Variants in CLASP1 observed in about 807,000 individuals in gnomAD.
CLASP1 encodes the protein cytoplasmic linker associated protein 1.
In CLASP1, 38 loss-of-function variants were observed where a neutral mutation model predicts 192.3. That is an observed-to-expected ratio of 0.20 (90% CI 0.15 to 0.26). The LOEUF (loss-of-function observed/expected upper bound fraction) is 0.26, where lower values mean the gene tolerates loss of function less well. Among genes scored for constraint, CLASP1 ranks in the 10% least tolerant of loss-of-function variants. The pLI, the probability that CLASP1 is intolerant of heterozygous loss-of-function variation, is 1.00. For synonymous variants in CLASP1, 691 were observed against 712.8 expected (o/e 0.97, Z 0.49); for missense variants, 1,433 against 1,932.5 (o/e 0.74, Z 4.85).
Position 121,615,034 on chromosome 2 carries a change from G to A in CLASP1, c.-285-8854C>T, listed in dbSNP as rs577369360. On this transcript the variant is annotated intron_variant, in intron 1 of 39. Coordinates refer to ENST00000263710, the Ensembl canonical transcript of CLASP1. Reference sequence around the variant, plus strand: ...TGAGCTTTGTGTTAAAATGTGGCTAGGATGTGCATTTAATAGTTATGGTGG... The same window carrying A: ...TGAGCTTTGTGTTAAAATGTGGCTAAGATGTGCATTTAATAGTTATGGTGG... Among the ~76,000 whole-genome samples the A allele has an allele frequency of 7.3e-4, 111 of 152,338 alleles. 1 individual carries two copies. Among genetic ancestry groups the A allele is most frequent in the African/African-American group, 2.5e-3 (102 of 41,582 alleles).
chr2:121,364,758 C>T lies in CLASP1; in HGVS notation c.4077+336G>A, dbSNP rs142796666. 243 of 257,040 alleles carry T rather than the reference C, an allele frequency of 9.5e-4. 1 individual carries two copies. The highest frequency in any genetic ancestry group is 4.9e-3 in the African/African-American group (223 of 45,520). 15.9% of individuals were successfully genotyped at this position (257,040 alleles called of 1,614,324 possible). On this transcript the variant is annotated intron_variant, in intron 36 of 39. Coordinates refer to ENST00000263710, the Ensembl canonical transcript of CLASP1. ...ACATATGAAACAAAAATGAAACTCA[C>T]AAGTAAAAAAGTACATCCTAAAAGA... is the stretch of plus-strand genomic sequence containing the variant.
At chr2:121,484,683 G>C (rs2092847300) in intron 8 of CLASP1, among the ~76,000 whole-genome samples, 1 of 152,190 alleles carries the variant, frequency 6.6e-6, no homozygotes, top group Non-Finnish European at 1.5e-5. Flanking sequence ...GAAGAGGTGG[G>C]AGAAAAGGGG....
chr2:121,580,044 G>T (rs2060955975), intron 2 of CLASP1, among the ~76,000 whole-genome samples: 1 of 152,084 alleles, frequency 6.6e-6, no homozygotes, highest in African/African-American at 2.4e-5. Flanking sequence ...AAAATTTAAG[G>T]GAAAAAAGTG....
chr2:121,472,043 CATT>C (rs1322954855), intron 8 of CLASP1, among the ~76,000 whole-genome samples: 2 of 152,212 alleles, frequency 1.3e-5, no homozygotes, highest in Non-Finnish European at 2.9e-5. Context: ...GAACTGCTGT[CATT>C]ATTCTACTAC....
chr2:121,415,711 G>C (rs538004320), intron 23 of CLASP1, among the ~76,000 whole-genome samples: 1 of 152,080 alleles, frequency 6.6e-6, no homozygotes, highest in Non-Finnish European at 1.5e-5. Flanking sequence ...AAATTTATAG[G>C]TTTAACAAAA....
chr2:121,414,395 A>T (rs1263063250), intron 23 of CLASP1, among the ~76,000 whole-genome samples, 192 bp from the exon 24 acceptor site: 1 of 152,154 alleles, frequency 6.6e-6, no homozygotes, highest in African/African-American at 2.4e-5. Context: ...GCTGGCTCTC[A>T]CACAGCTATT....
intron 28 of CLASP1, among the ~76,000 whole-genome samples, chr2:121,400,158 G>A (rs1273646631): frequency 6.6e-6 from 1 of 152,064 alleles, no homozygotes; most frequent in Admixed American, 6.6e-5. Flanking sequence ...AAGGAATGAC[G>A]AAGTTTGAAA....
At chr2:121,463,515 C>T (rs1027773022) in intron 9 of CLASP1, among the ~76,000 whole-genome samples, 4 of 152,194 alleles carry the variant, frequency 2.6e-5, no homozygotes, top group Non-Finnish European at 5.9e-5. Context: ...TGATGTGGTG[C>T]TCTGTGTCTG....
At chr2:121,628,760 A>G (rs2068876670) in intron 1 of CLASP1, among the ~76,000 whole-genome samples, 1 of 152,018 alleles carries the variant, frequency 6.6e-6, no homozygotes, top group Non-Finnish European at 1.5e-5. Context: ...AGTAATACAT[A>G]GGACAATTTG....
intron 32 of CLASP1, among the ~76,000 whole-genome samples, chr2:121,383,342 A>G (rs2072237043): frequency 1.3e-5 from 2 of 152,224 alleles, no homozygotes; most frequent in African/African-American, 4.8e-5. Flanking sequence ...TTGAGATGCA[A>G]AGTCACTAGC....
At chr2:121,340,830 T>A (rs766287366) in exon 40 of CLASP1, 1 of 1,567,242 alleles carries the variant, frequency 6.4e-7, no homozygotes, top group South Asian at 1.1e-5. Context: ...ACCGATTGCT[T>A]CTAGGTCTAC....
At chr2:121,499,994 A>C (rs558540306) in intron 8 of CLASP1, among the ~76,000 whole-genome samples, 50 of 152,346 alleles carry the variant, frequency 3.3e-4, no homozygotes, top group Middle Eastern at 6.8e-3. Context: ...CAGTGCAATA[A>C]GGCAAGAAAA....
intron 6 of CLASP1, among the ~76,000 whole-genome samples, chr2:121,521,764 A>T (rs928397445): frequency 6.6e-6 from 1 of 152,176 alleles, no homozygotes. Flanking sequence ...TTCTCCGCAC[A>T]CTGGCTTTAG....
intron 8 of CLASP1, among the ~76,000 whole-genome samples, chr2:121,495,342 A>AATAAATAAATAAAT (rs1405508854): frequency 3.2e-5 from 3 of 92,484 alleles, no homozygotes; most frequent in Non-Finnish European, 5.6e-5. Flanking sequence ...AATAAATAAA[A>AATAAATAAATAAAT]ATATTTAAAG....
At chr2:121,373,434 A>G (rs913002584) in intron 34 of CLASP1, among the ~76,000 whole-genome samples, 1 of 152,236 alleles carries the variant, frequency 6.6e-6, no homozygotes, top group Non-Finnish European at 1.5e-5. Flanking sequence ...GAAAATTGGT[A>G]CCAGAAATGG....
chr2:121,339,163 A>ACACACACG (rs2149066341), exon 40 of CLASP1: 1 of 153,988 alleles, frequency 6.5e-6, no homozygotes, highest in African/African-American at 2.4e-5. Context: ...ACACACACAC[A>ACACACACG]CACACACGTC....
At chr2:121,438,157 G>A (rs920057710) in intron 19 of CLASP1, among the ~76,000 whole-genome samples, 1 of 152,122 alleles carries the variant, frequency 6.6e-6, no homozygotes, top group Non-Finnish European at 1.5e-5. Context: ...AATTAGATTT[G>A]AGAGTAGCTT....
At chr2:121,512,061 GTTT>G (rs927076265) in intron 7 of CLASP1, among the ~76,000 whole-genome samples, 4 of 152,164 alleles carry the variant, frequency 2.6e-5, no homozygotes, top group Admixed American at 2.6e-4. Context: ...TATGAAATGT[GTTT>G]TTTAAAAAAG....
At chr2:121,455,209 T>C (rs2086368925) in intron 14 of CLASP1, among the ~76,000 whole-genome samples, 1 of 152,230 alleles carries the variant, frequency 6.6e-6, no homozygotes, top group South Asian at 2.1e-4. Flanking sequence ...AAATTTCTTT[T>C]TTCGTGACTT....
Sources: allele counts gnomAD v4.1 joint callset (sites outside exome capture counted in the v4.1 genomes callset), GRCh38; gene constraint gnomAD v4.1.1; transcripts MANE v1.5; gene names NCBI Gene and HGNC (gene_info 2026-07-23, HGNC 2026-07-21).